Variants in DNAJC17 observed in about 807,000 individuals in gnomAD.
The protein encoded by DNAJC17 is DnaJ heat shock protein family (Hsp40) member C17.
DNAJC17 carries 35 observed loss-of-function variants against 48.1 expected under a neutral mutation model. That is an observed-to-expected ratio of 0.73 (90% CI 0.56 to 0.96). The LOEUF is 0.96. DNAJC17 is among the 50% of genes least tolerant of loss of function. DNAJC17 has a pLI of 0.00. For synonymous variants in DNAJC17, 117 were observed against 142.7 expected (o/e 0.82, Z 1.28); for missense variants, 355 against 377.1 (o/e 0.94, Z 0.48).
chr15:40,765,842 A>G lies in DNAJC17; in HGVS notation c.*2098T>C. 1 of 1,574,470 alleles carries G rather than the reference A, an allele frequency of 6.4e-7. No homozygotes were observed. Reference sequence around the variant, plus strand: ...TACCTTGCAGGAGGTGGGCCCCACTATGGTGGGCGATGAACAGTCGGATCC... The same window carrying G: ...TACCTTGCAGGAGGTGGGCCCCACTGTGGTGGGCGATGAACAGTCGGATCC... On this transcript the variant is annotated 3_prime_UTR_variant, in exon 11 of 11. Transcript: ENST00000220496.
intron 1 of DNAJC17, among the ~76,000 whole-genome samples, chr15:40,782,459 T>C (rs1889529266): frequency 6.6e-6 from 1 of 151,970 alleles, no homozygotes; most frequent in African/African-American, 2.4e-5. Context: ...ATTTCTTACA[T>C]AAGTAAAAAT....
chr15:40,779,507 C>T (rs1192094036), intron 3 of DNAJC17, 38 bp downstream of exon 3: 1 of 1,613,514 alleles, frequency 6.2e-7, no homozygotes, highest in Non-Finnish European at 8.5e-7. Context: ...TGGTCTCTAA[C>T]CATGGGGGAC....
intron 1 of DNAJC17, among the ~76,000 whole-genome samples, chr15:40,781,887 A>C (rs1889503399): frequency 6.6e-6 from 1 of 152,076 alleles, no homozygotes; most frequent in Non-Finnish European, 1.5e-5. Context: ...ACACCATTGC[A>C]CTGCAGCCTG....
chr15:40,780,507 G>C, intron 1 of DNAJC17: 2 of 367,900 alleles, frequency 5.4e-6, no homozygotes, highest in South Asian at 4.1e-5. Context: ...CCATCAACGG[G>C]GAGACTCATT....
rs1037205317 is a variant in DNAJC17 at position 40,767,059 on chromosome 15, C to T, written c.*881G>A. On this transcript the variant is annotated 3_prime_UTR_variant, in exon 11 of 11. Coordinates refer to ENST00000220496, the MANE Select transcript of DNAJC17 (RefSeq NM_018163.3). The stretch of plus-strand genomic sequence containing the variant: ...ATAAATGAGATAGCTCGTGAAGTAC[C>T]TAGAAGGGGAGGAGGCAGGGGGCGT... The T allele has an allele frequency of 3.6e-6, 2 of 548,188 alleles. No homozygotes were observed. Among genetic ancestry groups the T allele is most frequent in the African/African-American group, 1.9e-5 (1 of 51,382 alleles). The allele number at this position is 548,188 out of a possible 1,614,324, so 34.0% of individuals were successfully genotyped here. A position where few individuals can be genotyped will look rare whatever the true frequency, so the allele number is the denominator to read the frequency against.
At chr15:40,773,452 G>C (rs1173589551) in intron 10 of DNAJC17, among the ~76,000 whole-genome samples, 1 of 152,194 alleles carries the variant, frequency 6.6e-6, no homozygotes, top group Non-Finnish European at 1.5e-5. Flanking sequence ...CTGAGGGCCA[G>C]GAAGATCCCT....
chr15:40,773,024 G>C (rs950241613), intron 10 of DNAJC17, among the ~76,000 whole-genome samples: 1 of 148,468 alleles, frequency 6.7e-6, no homozygotes, highest in Non-Finnish European at 1.5e-5. Context: ...GCAATGGCAC[G>C]ATCTCGGCTC....
rs1402001179 is a variant in DNAJC17 at position 40,807,459 on chromosome 15, A to T, written c.-13T>A. 1 of 1,614,130 alleles carries T rather than the reference A, an allele frequency of 6.2e-7. No homozygotes were observed. Among genetic ancestry groups the T allele is most frequent in the East Asian group, 2.2e-5 (1 of 44,886 alleles). On this transcript the variant is annotated 5_prime_UTR_variant, in exon 1 of 11. Coordinates refer to ENST00000220496, the MANE Select transcript of DNAJC17 (RefSeq NM_018163.3). ...TGGTCACTGCCATGGTTCCGGCCTG[A>T]CGGATTCGTACTACAACTCCCAAGA...
intron 1 of DNAJC17, among the ~76,000 whole-genome samples, chr15:40,788,102 G>C (rs1346230141): frequency 6.6e-6 from 1 of 152,138 alleles, no homozygotes; most frequent in Non-Finnish European, 1.5e-5. Flanking sequence ...GCCAGGCCCA[G>C]TTCCAGTCAC....
intron 1 of DNAJC17, among the ~76,000 whole-genome samples, chr15:40,787,945 T>C (rs1452614115): frequency 6.6e-6 from 1 of 152,198 alleles, no homozygotes; most frequent in East Asian, 1.9e-4. Flanking sequence ...TAATAAAGCT[T>C]GGAGCCAGGT....
intron 1 of DNAJC17, among the ~76,000 whole-genome samples, chr15:40,803,898 A>G (rs193247233): frequency 4.1e-4 from 62 of 151,716 alleles, no homozygotes; most frequent in African/African-American, 1.4e-3. Flanking sequence ...CACCAGCCCC[A>G]TCTGACCCCC....
chr15:40,807,344 C>G (rs1890273172), intron 1 of DNAJC17, 25 bp downstream of exon 1: 1 of 1,614,252 alleles, frequency 6.2e-7, no homozygotes, highest in South Asian at 1.1e-5. Context: ...CTCTCAAGAT[C>G]AGCCTTCCTC....
At chr15:40,807,038 G>C in intron 1 of DNAJC17, 1 of 575,042 alleles carries the variant, frequency 1.7e-6, no homozygotes, top group Non-Finnish European at 3.1e-6. Flanking sequence ...TCACAGTCAA[G>C]GCAGAAGCGG....
intron 10 of DNAJC17, 96 bp from the exon 11 acceptor site, chr15:40,768,158 A>G: frequency 3.6e-6 from 5 of 1,399,556 alleles, no homozygotes; most frequent in Non-Finnish European, 4.6e-6. Flanking sequence ...GCGTTCTAAG[A>G]GTCTCGGAGG....
intron 1 of DNAJC17, among the ~76,000 whole-genome samples, chr15:40,802,243 T>C (rs1031850566): frequency 4.6e-5 from 7 of 150,552 alleles, no homozygotes; most frequent in African/African-American, 1.7e-4. Context: ...TGATCTCAGC[T>C]CACTGCAACC....
Position 40,792,348 on chromosome 15 carries a change from A to G in DNAJC17, c.79-12351T>C, listed in dbSNP as rs1378337612. ...ATAACCTCCCTCCCAGAAAATGTCA[A>G]TATTAAGTTTCCCTGGTAGTTTTCC... On this transcript the variant is annotated intron_variant, in intron 1 of 10. Transcript: ENST00000220496. 5 of 590,608 alleles carry G rather than the reference A, an allele frequency of 8.5e-6. No homozygotes were observed. In the East Asian group the frequency reaches 4.3e-4, roughly 51 times the overall value. The allele number at this position is 590,608 out of a possible 1,614,324, so 36.6% of individuals were successfully genotyped here.
Position 40,766,032 on chromosome 15 carries a change from G to GC in DNAJC17, c.*1907dup. On this transcript the variant is annotated 3_prime_UTR_variant, in exon 11 of 11. Coordinates refer to ENST00000220496, the MANE Select transcript of DNAJC17 (RefSeq NM_018163.3). ...ACAGGGCCCAGCATCAGAGCCCCCTGCCTGCATCCTGGGGCTCTGTTCTCC... is the reference window on the plus strand; with the variant it reads ...ACAGGGCCCAGCATCAGAGCCCCCTGCCCTGCATCCTGGGGCTCTGTTCTCC... The GC allele has an allele frequency of 2.0e-6, 1 of 500,098 alleles. No homozygotes were observed. Among genetic ancestry groups the GC allele is most frequent in the Non-Finnish European group, 3.6e-6 (1 of 278,066 alleles). 31.0% of individuals were successfully genotyped at this position (500,098 alleles called of 1,614,324 possible).
At chr15:40,783,204 C>T (rs3092985) in intron 1 of DNAJC17, among the ~76,000 whole-genome samples, 84,455 of 152,040 alleles carry the variant, frequency 0.56, 24,455 homozygotes, top group African/African-American at 0.72. Context: ...TTCAGGGCCC[C>T]TGTTTGCTTT....
At chr15:40,768,215 C>T (rs1030630174) in intron 10 of DNAJC17, among the ~76,000 whole-genome samples, 153 bp from the exon 11 acceptor site, 1 of 152,146 alleles carries the variant, frequency 6.6e-6, no homozygotes, top group African/African-American at 2.4e-5. Context: ...CTTTTGGAAT[C>T]CTGGCTCGCC....
Sources: gnomAD v4.1 joint callset for allele counts (sites outside exome capture counted in the v4.1 genomes callset) on GRCh38, gnomAD v4.1.1 for gene constraint, MANE v1.5 for transcripts, NCBI Gene and HGNC (gene_info 2026-07-23, HGNC 2026-07-21) for gene names.